MFHAS1: variants seen among roughly 807,000 people sequenced by gnomAD.
The protein encoded by MFHAS1 is malignant fibrous histiocytoma-amplified sequence 1.
MFHAS1 carries 50 observed loss-of-function variants against 70.4 expected under a neutral mutation model. That is an observed-to-expected ratio of 0.71 (90% confidence interval 0.57 to 0.90). The LOEUF (loss-of-function observed/expected upper bound fraction) is 0.90. Among genes scored for constraint, MFHAS1 ranks in the 40% least tolerant of loss-of-function variants. MFHAS1 has a pLI of 0.00. For missense variants in MFHAS1, 1,795 were observed against 1,347.6 expected (o/e 1.33, Z -5.20); for synonymous variants, 952 against 620.0 (o/e 1.54, Z -7.96).
At chr8:8,843,284 A>T (rs1008033749) in intron 1 of MFHAS1, among the ~76,000 whole-genome samples, 2 of 151,752 alleles carry the variant, frequency 1.3e-5, no homozygotes, top group Non-Finnish European at 1.5e-5. Flanking sequence ...TCAAAAAAAA[A>T]AAAAGAAAGC....
chr8:8,819,460 C>T (rs187730182), intron 1 of MFHAS1, among the ~76,000 whole-genome samples: 4 of 151,942 alleles, frequency 2.6e-5, no homozygotes, highest in Non-Finnish European at 5.9e-5. Context: ...AAAAAATTAG[C>T]CGGGCATGGT....
At chr8:8,789,470 CCAGCCTG>C (rs1214815291) in intron 2 of MFHAS1, among the ~76,000 whole-genome samples, 2 of 152,148 alleles carry the variant, frequency 1.3e-5, no homozygotes, top group African/African-American at 4.8e-5. Flanking sequence ...AAGGGAGGGT[CCAGCCTG>C]GGGGGCACCC....
At chr8:8,856,981 A>AG (rs1808467939) in intron 1 of MFHAS1, among the ~76,000 whole-genome samples, 1 of 2,960 alleles carries the variant, frequency 3.4e-4, no homozygotes, top group African/African-American at 1.0e-3. Flanking sequence ...CAGGAAAGTG[A>AG]AAAAAAAAAA....
At chr8:8,887,956 T>G (rs1809833920) in intron 1 of MFHAS1, among the ~76,000 whole-genome samples, 1 of 152,198 alleles carries the variant, frequency 6.6e-6, no homozygotes, top group Non-Finnish European at 1.5e-5. Context: ...CTCCTTTTGT[T>G]GTTAATAACA....
chr8:8,844,726 G>C (rs1467710297), intron 1 of MFHAS1, among the ~76,000 whole-genome samples: 1 of 152,098 alleles, frequency 6.6e-6, no homozygotes, highest in Non-Finnish European at 1.5e-5. Flanking sequence ...ATTATAATTG[G>C]CATATTGGAT....
chr8:8,797,582 G>C, intron 1 of MFHAS1, 91 bp from the exon 2 acceptor site: 1 of 1,394,408 alleles, frequency 7.2e-7, no homozygotes, highest in Non-Finnish European at 9.8e-7. Flanking sequence ...GATGGGGGCA[G>C]GGGGAGAAGG....
intron 1 of MFHAS1, among the ~76,000 whole-genome samples, chr8:8,846,657 C>G (rs947591725): frequency 6.6e-6 from 1 of 152,020 alleles, no homozygotes; most frequent in African/African-American, 2.4e-5. Context: ...GTGCCTCAAA[C>G]AAACCAAGAA....
chr8:8,877,006 A>G (rs898004899), intron 1 of MFHAS1, among the ~76,000 whole-genome samples: 1 of 151,970 alleles, frequency 6.6e-6, no homozygotes, highest in African/African-American at 2.4e-5. Context: ...TGCATAAGAC[A>G]TGGTGGTCCA....
Position 8,784,570 on chromosome 8 carries a change from CCTT to C in MFHAS1, c.*1449_*1451del, listed in dbSNP as rs1369843538. 2 of 152,152 alleles carry C rather than the reference CCTT, an allele frequency of 1.3e-5. No individual in the cohort carries two copies. Among genetic ancestry groups the C allele is most frequent in the African/African-American group, 4.8e-5 (2 of 41,416 alleles). 9.4% of individuals were successfully genotyped at this position (152,152 alleles called of 1,614,324 possible). A position where few individuals can be genotyped will look rare whatever the true frequency, so the allele number is the denominator to read the frequency against. On this transcript the variant is annotated 3_prime_UTR_variant, in exon 3 of 3. Coordinates refer to ENST00000276282, the MANE Select transcript of MFHAS1 (RefSeq NM_004225.3). ...ATTTCTAGCAGGGCAGTCGCTTGCT[CCTT>C]ATTTCTTTTAAAAAACATGTTGAGA...
intron 1 of MFHAS1, among the ~76,000 whole-genome samples, chr8:8,801,130 G>A (rs949595462): frequency 6.6e-6 from 1 of 151,980 alleles, no homozygotes; most frequent in African/African-American, 2.4e-5. Flanking sequence ...CAGCAGAATC[G>A]CTTGAACCTG....
chr8:8,801,945 T>C (rs544506064), intron 1 of MFHAS1, among the ~76,000 whole-genome samples: 8 of 152,296 alleles, frequency 5.3e-5, no homozygotes, highest in Non-Finnish European at 1.2e-4. Flanking sequence ...TGGGGAACAC[T>C]TAGACGAAGG....
In MFHAS1 at chr8:8,889,942, C is replaced by T. The variant is rs141927559; in HGVS notation, c.2998+119G>A. 4.3e-3 allele frequency: 3,575 copies of T among 827,116 alleles called. 44 individuals are homozygous for T. The highest frequency in any genetic ancestry group is 0.024 in the Middle Eastern group (88 of 3,704). The allele number at this position is 827,116 out of a possible 1,614,324, so 51.2% of individuals were successfully genotyped here. A position where few individuals can be genotyped will look rare whatever the true frequency, so the allele number is the denominator to read the frequency against. On this transcript the variant is annotated intron_variant, in intron 1 of 2. Coordinates refer to ENST00000276282, the MANE Select transcript of MFHAS1 (RefSeq NM_004225.3). ...TCCAAATCTCCCTGTGTTTCCCTTA[C>T]GAAGCTTTCCTGGAGAACCCGTGAA...
chr8:8,888,762 A>G (rs547983521), intron 1 of MFHAS1, among the ~76,000 whole-genome samples: 2 of 152,318 alleles, frequency 1.3e-5, no homozygotes, highest in South Asian at 2.1e-4. Context: ...TCTGTATGAT[A>G]CTATAATGGG....
Position 8,889,999 on chromosome 8 carries a change from A to G in MFHAS1, c.2998+62T>C. 8.9e-6 allele frequency: 12 copies of G among 1,349,092 alleles called. No individual in the cohort carries two copies. In the South Asian group the frequency reaches 1.7e-4, roughly 19 times the overall value. 83.6% of individuals were successfully genotyped at this position (1,349,092 alleles called of 1,614,324 possible). A position where few individuals can be genotyped will look rare whatever the true frequency, so the allele number is the denominator to read the frequency against. On this transcript the variant is annotated intron_variant, in intron 1 of 2. Coordinates refer to ENST00000276282, the MANE Select transcript of MFHAS1 (RefSeq NM_004225.3). ...CAAACATTCTGCCAAATGACAACCA[A>G]GTATCTCCAAAAACATATCTTACAG...
intron 1 of MFHAS1, among the ~76,000 whole-genome samples, chr8:8,839,550 C>T (rs569800255): frequency 2.0e-5 from 3 of 152,282 alleles, no homozygotes; most frequent in African/African-American, 7.2e-5. Flanking sequence ...TAACCACTTG[C>T]CTTAACCCTC....
rs1318402671 is a variant in MFHAS1, at chr8:8,813,696, A to G, written c.2999-16205T>C. Reference sequence around the variant, plus strand: ...AAGCTAAGTGTTACTGTAAGAATCAAAAAGTTAAAATATTAAAAGTTTATA... The same window carrying G: ...AAGCTAAGTGTTACTGTAAGAATCAGAAAGTTAAAATATTAAAAGTTTATA... On this transcript the variant is annotated intron_variant, in intron 1 of 2. Transcript: ENST00000276282. Among the ~76,000 whole-genome samples, 3 of 152,332 alleles carry G rather than the reference A, an allele frequency of 2.0e-5. No individual in the cohort carries two copies. In the East Asian group the frequency reaches 5.8e-4, roughly 29 times the overall value.
rs1937595045 is a variant in MFHAS1, at chr8:8,797,282, T to C, written c.3125+83A>G. On this transcript the variant is annotated intron_variant, in intron 2 of 2. Transcript: ENST00000276282. Reference sequence around the variant, plus strand: ...CTTTGCAAGGTTTGTGCAGATGCAGTTTAACCTGGATTTTTGTGGTCATAT... The same window carrying C: ...CTTTGCAAGGTTTGTGCAGATGCAGCTTAACCTGGATTTTTGTGGTCATAT... 5 of 1,535,100 alleles carry C rather than the reference T, an allele frequency of 3.3e-6. No homozygotes were observed. In the South Asian group the frequency reaches 6.0e-5, roughly 19 times the overall value.
intron 1 of MFHAS1, among the ~76,000 whole-genome samples, chr8:8,804,643 T>G (rs976874806): frequency 7.2e-5 from 11 of 152,226 alleles, no homozygotes; most frequent in Admixed American, 3.3e-4. Flanking sequence ...GCACTTGGCT[T>G]CTTCCACTTC....
At chr8:8,858,523 C>T (rs1486043358) in intron 1 of MFHAS1, among the ~76,000 whole-genome samples, 2 of 152,110 alleles carry the variant, frequency 1.3e-5, no homozygotes, top group Admixed American at 6.5e-5. Flanking sequence ...TTACTGAAAA[C>T]GATTATGCAA....
Sources: gnomAD v4.1 joint callset for allele counts (sites outside exome capture counted in the v4.1 genomes callset) on GRCh38, gnomAD v4.1.1 for gene constraint, MANE v1.5 for transcripts, NCBI Gene and HGNC (gene_info 2026-07-23, HGNC 2026-07-21) for gene names.